The following BBS9 variants were observed in gnomAD, a reference collection of about 807,000 sequenced individuals.
BBS9 encodes the protein Bardet-Biedl syndrome 9.
A neutral mutation model predicts 117.7 loss-of-function variants in BBS9; 89 were observed. The observed-to-expected ratio is 0.76, with a 90% CI of 0.64 to 0.90. The LOEUF is 0.90. BBS9 is among the 40% of genes least tolerant of loss of function. The pLI is 0.00. For missense variants in BBS9, 982 were observed against 1,042.2 expected (o/e 0.94, Z 0.80); for synonymous variants, 379 against 370.9 (o/e 1.02, Z -0.25).
At chr7:33,308,311 C>T (rs1049157054) in intron 9 of BBS9, among the ~76,000 whole-genome samples, 1 of 152,178 alleles carries the variant, frequency 6.6e-6, no homozygotes, top group South Asian at 2.1e-4. Flanking sequence ...CTTTAGAGAA[C>T]AAAATAAGGC....
chr7:33,277,168 A>G (rs560006599), intron 9 of BBS9: 2 of 159,408 alleles, frequency 1.3e-5, no homozygotes, highest in Middle Eastern at 2.8e-3. Flanking sequence ...GAGTATGTTT[A>G]CCCTGCAGAG....
intron 9 of BBS9, among the ~76,000 whole-genome samples, chr7:33,274,593 G>C (rs1197277455): frequency 1.3e-5 from 2 of 152,282 alleles, no homozygotes; most frequent in Middle Eastern, 3.4e-3. Flanking sequence ...ATTATGTTTA[G>C]GAATTGAAAA....
chr7:33,578,905 G>A (rs1859404208), intron 21 of BBS9, among the ~76,000 whole-genome samples: 1 of 152,176 alleles, frequency 6.6e-6, no homozygotes, highest in Admixed American at 6.6e-5. Flanking sequence ...GCAAGAACTA[G>A]TATGAAACAT....
intron 21 of BBS9, among the ~76,000 whole-genome samples, chr7:33,553,976 G>C (rs893922032): frequency 3.9e-5 from 6 of 152,038 alleles, no homozygotes; most frequent in Admixed American, 6.6e-5. Flanking sequence ...GGCTACTTTC[G>C]ATAGGGTGAT....
intron 21 of BBS9, among the ~76,000 whole-genome samples, chr7:33,627,059 A>T (rs755903597): frequency 3.9e-5 from 6 of 152,242 alleles, no homozygotes; most frequent in African/African-American, 4.8e-5. Context: ...ACTTTGTGGT[A>T]GCCCTTCCCA....
At chr7:33,176,786 T>C (rs1196325704) in intron 4 of BBS9, among the ~76,000 whole-genome samples, 1 of 152,190 alleles carries the variant, frequency 6.6e-6, no homozygotes, top group African/African-American at 2.4e-5. Flanking sequence ...GAATCCTTTT[T>C]CTTTCCAACA....
chr7:33,256,367 A>C (rs919609178), intron 5 of BBS9, among the ~76,000 whole-genome samples: 2 of 152,206 alleles, frequency 1.3e-5, no homozygotes, highest in African/African-American at 4.8e-5. Flanking sequence ...CACAGACAAT[A>C]CTTATCCTAG....
At chr7:33,610,172 T>C (rs979975881), downstream of BBS9, among the ~76,000 whole-genome samples, 1 of 152,078 alleles carries the variant, frequency 6.6e-6, no homozygotes, top group Non-Finnish European at 1.5e-5. Flanking sequence ...AGAGAGAGAA[T>C]AGAAACTACA....
intron 21 of BBS9, among the ~76,000 whole-genome samples, chr7:33,616,889 G>A (rs906867984): frequency 6.6e-6 from 1 of 151,836 alleles, no homozygotes; most frequent in African/African-American, 2.4e-5. Flanking sequence ...AGTCTCCAAT[G>A]TCGATTATTC....
intron 9 of BBS9, among the ~76,000 whole-genome samples, chr7:33,313,968 G>T (rs1397647320): frequency 6.6e-6 from 1 of 152,124 alleles, no homozygotes; most frequent in African/African-American, 2.4e-5. Flanking sequence ...CTGGGTTTTT[G>T]TGTTCAGAAT....
At chr7:33,577,500 C>T (rs1193716244) in intron 21 of BBS9, among the ~76,000 whole-genome samples, 1 of 152,148 alleles carries the variant, frequency 6.6e-6, no homozygotes, top group Non-Finnish European at 1.5e-5. Flanking sequence ...GTGGAGGTTC[C>T]TCAAGTATCT....
At chr7:33,446,829 T>C (rs1257541192) in intron 19 of BBS9, among the ~76,000 whole-genome samples, 1 of 152,208 alleles carries the variant, frequency 6.6e-6, no homozygotes, top group Non-Finnish European at 1.5e-5. Context: ...CCCAATTCGA[T>C]TCTGATGTTG....
chr7:33,455,836 T>C (rs1838584398), intron 19 of BBS9, among the ~76,000 whole-genome samples: 2 of 152,220 alleles, frequency 1.3e-5, no homozygotes, highest in Non-Finnish European at 2.9e-5. Flanking sequence ...CTGTTAATGA[T>C]AAGTGGTTGC....
At chr7:33,218,131 TAAAG>T (rs907992374) in intron 5 of BBS9, among the ~76,000 whole-genome samples, 3 of 152,354 alleles carry the variant, frequency 2.0e-5, no homozygotes, top group Non-Finnish European at 2.9e-5. Flanking sequence ...TACAGATTAA[TAAAG>T]AAAAGATTTG....
intron 19 of BBS9, among the ~76,000 whole-genome samples, chr7:33,393,862 G>C (rs1275503058): frequency 6.6e-6 from 1 of 152,088 alleles, no homozygotes; most frequent in Non-Finnish European, 1.5e-5. Flanking sequence ...TGGCTTCAAG[G>C]TGCATCATTA....
chr7:33,141,207 G>A (rs563896255), intron 1 of BBS9, among the ~76,000 whole-genome samples: 131 of 152,266 alleles, frequency 8.6e-4, no homozygotes, highest in African/African-American at 3.0e-3. Context: ...TGGATTGCTT[G>A]AGGTCAGGAG....
intron 20 of BBS9, among the ~76,000 whole-genome samples, chr7:33,528,300 C>T (rs2392245): frequency 0.43 from 65,320 of 151,930 alleles, 14,879 homozygotes; most frequent in African/African-American, 0.55. Flanking sequence ...CACAAAATCT[C>T]CATTTGTTCT....
intron 21 of BBS9, among the ~76,000 whole-genome samples, chr7:33,545,160 C>T (rs1244682841): frequency 1.3e-5 from 2 of 152,196 alleles, no homozygotes; most frequent in Admixed American, 1.3e-4. Flanking sequence ...TCTTCCTCTG[C>T]CTGTAGAGTC....
chr7:33,635,465 C>T (rs1363461609), exon 22 of BBS9, among the ~76,000 whole-genome samples: 1 of 152,220 alleles, frequency 6.6e-6, no homozygotes, highest in Non-Finnish European at 1.5e-5. Context: ...CTGGAACCAG[C>T]CCCCCAAGGC....
Sources: allele counts gnomAD v4.1 joint callset (sites outside exome capture counted in the v4.1 genomes callset), GRCh38; gene constraint gnomAD v4.1.1; transcripts MANE v1.5; gene names NCBI Gene and HGNC (gene_info 2026-07-23, HGNC 2026-07-21).